Variants in VWA3B observed in about 807,000 individuals in gnomAD.
VWA3B encodes the protein von Willebrand factor A domain-containing protein 3B.
In VWA3B, 138 loss-of-function variants were observed where a neutral mutation model predicts 158.3. The ratio of observed to expected loss-of-function variants is 0.87; its 90% CI spans 0.76 to 1.00. VWA3B has a LOEUF of 1.00. Ranked by LOEUF, VWA3B falls within the 50% of genes least tolerant of loss-of-function variation. The probability of loss-of-function intolerance (pLI) is 0.00; values close to 1 mark genes in which losing one functional copy is unlikely to be tolerated. For synonymous variants in VWA3B, 596 were observed against 587.3 expected, an observed-to-expected ratio of 1.01 and a Z score of -0.21; for missense variants, 1,555 against 1,565.1, an observed-to-expected ratio of 0.99 and a Z score of 0.11.
rs370362777 is a variant in VWA3B, at chr2:98,236,692, G to T, written c.2635G>T (p.Val879Phe). The T allele has an allele frequency of 6.2e-7, 1 of 1,614,148 alleles. No homozygotes were observed. The highest frequency in any genetic ancestry group is 1.7e-5 in the Admixed American group (1 of 60,024). The change falls in exon 19 of 28, where the codon GTC becomes TTC. Residue 879 changes from valine to phenylalanine, a missense_variant. By Grantham distance (50) the Val-to-Phe change is conservative (BLOSUM62 -1). Coordinates refer to ENST00000477737, the MANE Select transcript of VWA3B (RefSeq NM_144992.5). ...AVPHSSTYVP[V>F]LDKHVVSKVF... ...CCCGCACAGCTCCACCTATGTTCCC[G>T]TCCTGGACAAGCATGTCGTGTCTAA...
intron 25 of VWA3B, among the ~76,000 whole-genome samples, chr2:98,302,881 C>G (rs778549380): frequency 1.9e-4 from 29 of 152,152 alleles, no homozygotes; most frequent in Non-Finnish European, 2.9e-4. Flanking sequence ...GGAGAAAGAC[C>G]ATCAGAGCCA....
chr2:98,259,100 A>C (rs1687328557), intron 21 of VWA3B, among the ~76,000 whole-genome samples: 1 of 151,726 alleles, frequency 6.6e-6, no homozygotes. Context: ...CCACTCCTGC[A>C]TTTCTGGCAT....
At chr2:98,254,873 C>T (rs1173469788) in intron 20 of VWA3B, among the ~76,000 whole-genome samples, 2 of 152,156 alleles carry the variant, frequency 1.3e-5, no homozygotes, top group African/African-American at 4.8e-5. Flanking sequence ...GATGGGAGGG[C>T]AGGGCAGGAG....
In VWA3B at chr2:98,251,767, C is replaced by T. The variant is rs563379160; in HGVS notation, c.2792+1331C>T. Among the ~76,000 whole-genome samples the T allele has an allele frequency of 2.9e-4, 44 of 152,314 alleles. 1 individual carries two copies. The South Asian group carries it at 7.3e-3, about 25-fold the overall frequency. ...CCTGCCCCACGAAGGATCATTCCAACGGCAGACCTTGCTCCACTGTGTCCA... is the reference window on the plus strand; with the variant it reads ...CCTGCCCCACGAAGGATCATTCCAATGGCAGACCTTGCTCCACTGTGTCCA... On this transcript the variant is annotated intron_variant, in intron 20 of 27. Coordinates refer to ENST00000477737, the MANE Select transcript of VWA3B (RefSeq NM_144992.5).
chr2:98,238,086 A>C (rs1183217279), intron 19 of VWA3B, among the ~76,000 whole-genome samples: 1 of 152,180 alleles, frequency 6.6e-6, no homozygotes, highest in Non-Finnish European at 1.5e-5. Context: ...GAAATAGCTG[A>C]GATTTGATGT....
At chr2:98,320,881 A>C in the VWA3B span, among the ~76,000 whole-genome samples, 1 of 152,188 alleles carries the variant, frequency 6.6e-6, no homozygotes, top group Admixed American at 6.5e-5. Context: ...TGAGGAGCCA[A>C]ATGCTAATCA....
chr2:98,129,312 TTGTG>T (rs917650512), intron 6 of VWA3B, among the ~76,000 whole-genome samples: 5 of 121,666 alleles, frequency 4.1e-5, no homozygotes, highest in Admixed American at 8.3e-5. Context: ...GAGAGAGACA[TTGTG>T]TGTGTGTGGA....
chr2:98,157,795 C>T (rs1678214376), intron 7 of VWA3B, among the ~76,000 whole-genome samples: 1 of 151,138 alleles, frequency 6.6e-6, no homozygotes, highest in Admixed American at 6.6e-5. Flanking sequence ...AAACAATGAG[C>T]CACAGTAGGA....
chr2:98,243,910 A>T (rs1232687036), intron 19 of VWA3B, among the ~76,000 whole-genome samples: 1 of 152,214 alleles, frequency 6.6e-6, no homozygotes, highest in African/African-American at 2.4e-5. Flanking sequence ...CCAATCTGGT[A>T]GGAAGCTCTG....
In VWA3B at chr2:98,230,043, A is replaced by T; in HGVS notation, c.2151-7A>T. 1 of 1,562,692 alleles carries T rather than the reference A, an allele frequency of 6.4e-7. No homozygotes were observed. The highest frequency in any genetic ancestry group is 8.6e-7 in the Non-Finnish European group (1 of 1,162,784). On this transcript the variant is annotated splice_polypyrimidine_tract_variant and splice_region_variant and intron_variant, in intron 15 of 27. Coordinates refer to ENST00000477737, the MANE Select transcript of VWA3B (RefSeq NM_144992.5). ...TTTTGCTCGACTTTTTATCTAAATC[A>T]AAACAGGCATCAAAAGGAAATCTGT...
In VWA3B at chr2:98,132,458, G is replaced by A. The variant is rs1436281697; in HGVS notation, c.873-1366G>A. ...CTCCAACTGGACTCCGGCTTCCCCTGTGCCAGAGGCTGTGTCTGGGTAGAA... is the reference window on the plus strand; with the variant it reads ...CTCCAACTGGACTCCGGCTTCCCCTATGCCAGAGGCTGTGTCTGGGTAGAA... On this transcript the variant is annotated intron_variant, in intron 6 of 27. Transcript: ENST00000477737. Among the ~76,000 whole-genome samples the A allele has an allele frequency of 3.9e-5, 6 of 152,358 alleles. No homozygotes were observed. The East Asian group carries it at 7.7e-4, about 20-fold the overall frequency.
At position 98,192,934 on chromosome 2, in the gene VWA3B, T is replaced by G. The variant is rs1298537858; in HGVS notation, c.1503T>G (p.Phe501Leu). ...TACAGGATGGGAGTCAAAGCCTCTT[T>G]GGAAGATTGCATAATGATTGCATCT... is the stretch of plus-strand genomic sequence containing the variant. ...KWLQDGSQSL[F>L]GRLHNDCIYI... is the part of the protein sequence containing the mutation. Residue 501 changes from phenylalanine to leucine, a missense_variant, in exon 11 of 28, where the codon TTT (phenylalanine) becomes TTG (leucine). Coordinates refer to ENST00000477737, the MANE Select transcript of VWA3B (RefSeq NM_144992.5). 1 of 1,614,220 alleles carries G rather than the reference T, an allele frequency of 6.2e-7. No individual in the cohort carries two copies. The highest frequency in any genetic ancestry group is 8.5e-7 in the Non-Finnish European group (1 of 1,180,034).
chr2:98,133,615 A>G, intron 6 of VWA3B: 1 of 532,216 alleles, frequency 1.9e-6, no homozygotes, highest in Non-Finnish European at 3.3e-6. Context: ...GTCGGTTAAA[A>G]TCCCACATCA....
At chr2:98,301,691 G>A (rs10176056) in intron 25 of VWA3B, among the ~76,000 whole-genome samples, 9 of 152,004 alleles carry the variant, frequency 5.9e-5, no homozygotes, top group African/African-American at 2.2e-4. Flanking sequence ...TGTTTGTTAA[G>A]GGTCTGTATT....
intron 2 of VWA3B, among the ~76,000 whole-genome samples, chr2:98,095,668 G>A (rs557844957): frequency 6.6e-6 from 1 of 152,274 alleles, no homozygotes; most frequent in African/African-American, 2.4e-5. Context: ...GTGAATAAAA[G>A]TGGTGAAAGT....
At chr2:98,091,439 T>C (rs1286578896) in intron 1 of VWA3B, among the ~76,000 whole-genome samples, 2 of 152,178 alleles carry the variant, frequency 1.3e-5, no homozygotes, top group African/African-American at 4.8e-5. Flanking sequence ...ACACTAAAGA[T>C]CACAGAACAC....
chr2:98,164,612 G>A (rs1311703699), intron 8 of VWA3B, among the ~76,000 whole-genome samples: 2 of 152,214 alleles, frequency 1.3e-5, no homozygotes, highest in Non-Finnish European at 2.9e-5. Context: ...AACCCAAAAT[G>A]CAGAACAGCA....
Position 98,230,124 on chromosome 2 carries a change from C to T in VWA3B, c.2225C>T (p.Thr742Ile), listed in dbSNP as rs1191639778. The T allele has an allele frequency of 6.2e-7, 1 of 1,611,690 alleles. No homozygotes were observed. The highest frequency in any genetic ancestry group is 1.1e-5 in the South Asian group (1 of 90,344). The change falls in exon 16 of 28, where the codon ACA (threonine) becomes ATA (isoleucine). Residue 742 changes from threonine to isoleucine, a missense_variant. Coordinates refer to ENST00000477737, the MANE Select transcript of VWA3B (RefSeq NM_144992.5). Reference sequence around the variant, plus strand: ...AAGCCTCAATCTGATGTCGATTCAACACAAACTTCATCTCTGAATATGTTG... The same window carrying T: ...AAGCCTCAATCTGATGTCGATTCAATACAAACTTCATCTCTGAATATGTTG... Reference protein sequence around the residue: ...CAKPQSDVDSTQTSSLNMLKG... With the variant: ...CAKPQSDVDSIQTSSLNMLKG...
At chr2:98,146,109 C>G (rs1677157529) in intron 7 of VWA3B, among the ~76,000 whole-genome samples, 1 of 151,922 alleles carries the variant, frequency 6.6e-6, no homozygotes, top group South Asian at 2.1e-4. Context: ...TGAATTTCTG[C>G]TTTGTGTTCT....
Sources: gnomAD v4.1 joint callset for allele counts (sites outside exome capture counted in the v4.1 genomes callset) on GRCh38, gnomAD v4.1.1 for gene constraint, MANE v1.5 for transcripts, NCBI Gene and HGNC (gene_info 2026-07-23, HGNC 2026-07-21) for gene names.